The following SEMA5A variants were observed in gnomAD, a reference collection of about 807,000 sequenced individuals.
SEMA5A encodes semaphorin-5A.
SEMA5A carries 55 observed loss-of-function variants against 135.5 expected under a neutral mutation model. The observed-to-expected ratio is 0.41, with a 90% CI of 0.33 to 0.51. The LOEUF is 0.51. SEMA5A is among the 20% of genes least tolerant of loss of function. The pLI, the probability that SEMA5A is intolerant of heterozygous loss-of-function variation, is 0.37. For missense variants in SEMA5A, 1,290 were observed against 1,419.9 expected, an observed-to-expected ratio of 0.91 and a Z score of 1.47; for synonymous variants, 580 against 546.5, an observed-to-expected ratio of 1.06 and a Z score of -0.85.
intron 1 of SEMA5A, among the ~76,000 whole-genome samples, chr5:9,445,985 C>T (rs1417888882): frequency 4.6e-5 from 7 of 152,188 alleles, no homozygotes; most frequent in Non-Finnish European, 8.8e-5. Context: ...CCTGAGACCC[C>T]TCTCTCCATC....
At chr5:9,205,323 C>G (rs950565206) in intron 8 of SEMA5A, among the ~76,000 whole-genome samples, 1 of 145,796 alleles carries the variant, frequency 6.9e-6, no homozygotes, top group South Asian at 2.2e-4. Context: ...AGGAATGACA[C>G]AGAAAGAAGA....
chr5:9,163,032 T>C (rs897840627), intron 11 of SEMA5A, among the ~76,000 whole-genome samples: 1 of 152,308 alleles, frequency 6.6e-6, no homozygotes, highest in African/African-American at 2.4e-5. Flanking sequence ...GGTGAACTGA[T>C]ACAACAGCAT....
At chr5:9,194,838 C>G (rs1164787606) in intron 10 of SEMA5A, among the ~76,000 whole-genome samples, 2 of 152,172 alleles carry the variant, frequency 1.3e-5, no homozygotes, top group Admixed American at 1.3e-4. Context: ...CAGTGTGACA[C>G]TGGCATTATA....
chr5:9,541,342 A>G (rs910321682), intron 1 of SEMA5A, among the ~76,000 whole-genome samples: 1 of 152,228 alleles, frequency 6.6e-6, no homozygotes, highest in South Asian at 2.1e-4. Context: ...TTTCCAGTGT[A>G]TACTTCCTCA....
intron 2 of SEMA5A, among the ~76,000 whole-genome samples, chr5:9,419,037 G>A (rs780557377): frequency 3.9e-5 from 6 of 152,064 alleles, no homozygotes; most frequent in Non-Finnish European, 8.8e-5. Context: ...CACTGCTTTG[G>A]CTGCATCCCA....
chr5:9,142,034 A>C (rs1310029626), intron 12 of SEMA5A, among the ~76,000 whole-genome samples: 1 of 152,254 alleles, frequency 6.6e-6, no homozygotes, highest in Non-Finnish European at 1.5e-5. Flanking sequence ...TATGAAGTCA[A>C]CTTTGAAAGT....
At chr5:9,366,758 A>T (rs1013552479) in intron 3 of SEMA5A, among the ~76,000 whole-genome samples, 13 of 152,214 alleles carry the variant, frequency 8.5e-5, no homozygotes, top group African/African-American at 2.2e-4. Flanking sequence ...AGAGATAAAG[A>T]ATGTCCCAAA....
At chr5:9,476,463 T>A (rs1440997207) in intron 1 of SEMA5A, among the ~76,000 whole-genome samples, 3 of 152,160 alleles carry the variant, frequency 2.0e-5, no homozygotes, top group African/African-American at 7.2e-5. Flanking sequence ...GTTAGCTGCC[T>A]TTTTGGTTTC....
intron 5 of SEMA5A, among the ~76,000 whole-genome samples, chr5:9,277,805 T>C (rs759472840): frequency 1.3e-5 from 2 of 151,232 alleles, no homozygotes; most frequent in African/African-American, 2.4e-5. Flanking sequence ...TCACGCACTG[T>C]CAGGGGGGTG....
At chr5:9,169,261 T>C (rs1316910472) in intron 11 of SEMA5A, among the ~76,000 whole-genome samples, 1 of 152,196 alleles carries the variant, frequency 6.6e-6, no homozygotes, top group Non-Finnish European at 1.5e-5. Flanking sequence ...CACAATGTGT[T>C]CGCATATTGA....
intron 4 of SEMA5A, among the ~76,000 whole-genome samples, chr5:9,323,263 C>T (rs763614763): frequency 2.0e-5 from 3 of 152,124 alleles, no homozygotes; most frequent in African/African-American, 4.8e-5. Flanking sequence ...CTAAGTTCTA[C>T]GAATAAATGG....
chr5:9,245,256 T>C (rs1748426581), intron 5 of SEMA5A, among the ~76,000 whole-genome samples: 1 of 152,148 alleles, frequency 6.6e-6, no homozygotes, highest in African/African-American at 2.4e-5. Flanking sequence ...CCCTGCCTAT[T>C]AGTCACTTAG....
At chr5:9,484,914 A>G (rs960313374) in intron 1 of SEMA5A, among the ~76,000 whole-genome samples, 7 of 152,170 alleles carry the variant, frequency 4.6e-5, no homozygotes, top group African/African-American at 1.7e-4. Context: ...ACAGACACCC[A>G]TGAGTGGGGC....
chr5:9,292,011 C>T lies in SEMA5A; in HGVS notation c.270+26361G>A, dbSNP rs72727235. 3.9e-3 allele frequency among the ~76,000 whole-genome samples: 599 copies of T among 152,216 alleles called. 4 individuals carry two copies. Among genetic ancestry groups the T allele is most frequent in the Non-Finnish European group, 6.8e-3 (460 of 68,000 alleles). ...CCCCTACCTGGGATTTGCGGTGAGGCTGCAGCCCTAGAAAGATGGCTGGCT... is the reference window on the plus strand; with the variant it reads ...CCCCTACCTGGGATTTGCGGTGAGGTTGCAGCCCTAGAAAGATGGCTGGCT... On this transcript the variant is annotated intron_variant, in intron 5 of 22. Coordinates refer to ENST00000382496, the MANE Select transcript of SEMA5A (RefSeq NM_003966.3).
At chr5:9,056,704 C>T (rs986097382) in intron 18 of SEMA5A, among the ~76,000 whole-genome samples, 1 of 152,136 alleles carries the variant, frequency 6.6e-6, no homozygotes, top group Admixed American at 6.5e-5. Flanking sequence ...ATGGCTGACA[C>T]AGCGAGACTC....
intron 21 of SEMA5A, among the ~76,000 whole-genome samples, chr5:9,046,552 T>C (rs1400501184): frequency 6.6e-6 from 1 of 152,238 alleles, no homozygotes; most frequent in African/African-American, 2.4e-5. Flanking sequence ...TACGGGGCTC[T>C]GTTTGAGTCC....
chr5:9,392,602 A>G (rs541748667), intron 2 of SEMA5A, among the ~76,000 whole-genome samples: 1 of 152,282 alleles, frequency 6.6e-6, no homozygotes, highest in Non-Finnish European at 1.5e-5. Flanking sequence ...TGTGGGAGGA[A>G]TAACAGGACT....
chr5:9,528,411 A>T (rs948100039), intron 1 of SEMA5A, among the ~76,000 whole-genome samples: 13 of 152,204 alleles, frequency 8.5e-5, no homozygotes, highest in African/African-American at 3.1e-4. Flanking sequence ...GGCATTTTCC[A>T]TTATGGCCTC....
At chr5:9,202,508 C>T (rs756126839) in intron 8 of SEMA5A, among the ~76,000 whole-genome samples, 5 of 152,094 alleles carry the variant, frequency 3.3e-5, no homozygotes, top group African/African-American at 4.8e-5. Flanking sequence ...GTTAATGGGA[C>T]GTTAATACCA....
Sources: allele counts gnomAD v4.1 joint callset (sites outside exome capture counted in the v4.1 genomes callset), GRCh38; gene constraint gnomAD v4.1.1; transcripts MANE v1.5; gene names NCBI Gene and HGNC (gene_info 2026-07-23, HGNC 2026-07-21).